Variants in PATJ observed in about 807,000 individuals in gnomAD.
PATJ encodes the protein inaD-like protein.
Under a neutral mutation model 224.9 loss-of-function variants are expected in PATJ, and 190 were observed. The ratio of observed to expected loss-of-function variants is 0.84; its 90% confidence interval spans 0.75 to 0.95. The LOEUF is 0.95. Among genes scored for constraint, PATJ ranks in the 40% least tolerant of loss-of-function variants. The pLI, the probability that PATJ is intolerant of heterozygous loss-of-function variation, is 0.00. For missense variants in PATJ, 2,121 were observed against 2,270.3 expected (o/e 0.93, Z 1.34); for synonymous variants, 769 against 820.3 (o/e 0.94, Z 1.07).
intron 28 of PATJ, among the ~76,000 whole-genome samples, chr1:62,012,820 G>A (rs1393015746): frequency 6.6e-6 from 1 of 151,936 alleles, no homozygotes; most frequent in Non-Finnish European, 1.5e-5. Context: ...CCCTAAATGT[G>A]TTATTTTTAA....
chr1:62,022,707 A>G (rs1427679956), intron 29 of PATJ, among the ~76,000 whole-genome samples: 1 of 152,190 alleles, frequency 6.6e-6, no homozygotes, highest in African/African-American at 2.4e-5. Context: ...CATGTGGAAA[A>G]TGTGTACTGT....
At chr1:61,883,817 T>A (rs1326035102) in intron 21 of PATJ, among the ~76,000 whole-genome samples, 1 of 148,400 alleles carries the variant, frequency 6.7e-6, no homozygotes, top group Non-Finnish European at 1.5e-5. Context: ...AAAACCCTTT[T>A]AAAAATAGAA....
chr1:62,115,631 AT>A, intron 35 of PATJ, among the ~76,000 whole-genome samples: 1 of 147,506 alleles, frequency 6.8e-6, no homozygotes, highest in African/African-American at 2.5e-5. Context: ...TCTAGTATGT[AT>A]TTATCCCAAC....
At chr1:62,053,318 C>T (rs539089590) in intron 31 of PATJ, among the ~76,000 whole-genome samples, 7 of 152,362 alleles carry the variant, frequency 4.6e-5, no homozygotes, top group African/African-American at 1.7e-4. Context: ...GTTTCTTAAT[C>T]ACTGTTTGCA....
At chr1:61,958,949 A>T (rs559840141) in intron 27 of PATJ, among the ~76,000 whole-genome samples, 77 of 152,174 alleles carry the variant, frequency 5.1e-4, no homozygotes, top group Non-Finnish European at 9.7e-4. Context: ...GTAAATACGA[A>T]GAGCCTAAAT....
At chr1:61,927,480 G>A (rs1451290763) in intron 26 of PATJ, among the ~76,000 whole-genome samples, 1 of 152,172 alleles carries the variant, frequency 6.6e-6, no homozygotes, top group Non-Finnish European at 1.5e-5. Context: ...CTTTAGGTAG[G>A]TCAGCAGTCT....
At chr1:62,066,280 G>C (rs1656399749) in intron 31 of PATJ, among the ~76,000 whole-genome samples, 1 of 152,100 alleles carries the variant, frequency 6.6e-6, no homozygotes, top group Non-Finnish European at 1.5e-5. Flanking sequence ...AGGAAACTGA[G>C]ACACTCAACT....
intron 33 of PATJ, among the ~76,000 whole-genome samples, chr1:62,104,477 C>G (rs1360411538): frequency 1.3e-5 from 2 of 152,032 alleles, no homozygotes; most frequent in Non-Finnish European, 1.5e-5. Context: ...CTCTCACCCC[C>G]AATTAATGTA....
At chr1:62,096,778 G>A (rs1661446116) in intron 33 of PATJ, among the ~76,000 whole-genome samples, 1 of 152,068 alleles carries the variant, frequency 6.6e-6, no homozygotes, top group Admixed American at 6.6e-5. Flanking sequence ...ACCACACCCA[G>A]CTAACTTTTT....
At chr1:62,000,042 C>T (rs960681093) in intron 28 of PATJ, among the ~76,000 whole-genome samples, 1 of 151,928 alleles carries the variant, frequency 6.6e-6, no homozygotes, top group Non-Finnish European at 1.5e-5. Flanking sequence ...GCGCCTGCCA[C>T]CATGCCCGGC....
chr1:62,152,611 A>G (rs1668738806), intron 42 of PATJ, among the ~76,000 whole-genome samples: 1 of 151,942 alleles, frequency 6.6e-6, no homozygotes, highest in Admixed American at 6.6e-5. Flanking sequence ...AGATTGTGCC[A>G]CTGCACTCCA....
intron 43 of PATJ, among the ~76,000 whole-genome samples, chr1:62,158,653 A>G (rs796981708): frequency 1.5e-5 from 2 of 132,798 alleles, no homozygotes; most frequent in African/African-American, 5.1e-5. Flanking sequence ...CCGGCGAGGC[A>G]GAGCTTGCAG....
At chr1:62,095,053 A>C (rs532844013) in intron 33 of PATJ, among the ~76,000 whole-genome samples, 44 of 152,300 alleles carry the variant, frequency 2.9e-4, no homozygotes, top group African/African-American at 1.0e-3. Context: ...TTCTGAACAG[A>C]AACAATTATC....
chr1:61,788,108 T>G (rs1260917242), intron 8 of PATJ, 136 bp downstream of exon 8: 2 of 570,844 alleles, frequency 3.5e-6, no homozygotes, highest in Non-Finnish European at 6.1e-6. Flanking sequence ...AAAAAAAAAC[T>G]TATTGGGAGA....
At chr1:61,768,283 C>G (rs937374735) in intron 4 of PATJ, among the ~76,000 whole-genome samples, 3 of 151,754 alleles carry the variant, frequency 2.0e-5, no homozygotes, top group African/African-American at 4.8e-5. Flanking sequence ...TCCTGGCTAA[C>G]ACGGTGAAAC....
chr1:61,933,892 A>G (rs1676412412), intron 27 of PATJ, among the ~76,000 whole-genome samples: 2 of 152,002 alleles, frequency 1.3e-5, no homozygotes, highest in South Asian at 4.1e-4. Context: ...ACAAACATAC[A>G]TGAATCTTTA....
At chr1:62,036,871 C>CAAAAAAAAA (rs55761910) in intron 29 of PATJ, among the ~76,000 whole-genome samples, 9,328 of 67,210 alleles carry the variant, frequency 0.14, 1,171 homozygotes, top group South Asian at 0.2. Context: ...GACTCCATCT[C>CAAAAAAAAA]AAAAAAAAAA....
chr1:61,960,211 T>C (rs144235301), intron 27 of PATJ, among the ~76,000 whole-genome samples: 14 of 152,296 alleles, frequency 9.2e-5, no homozygotes, highest in African/African-American at 3.4e-4. Flanking sequence ...TTCTGAAACA[T>C]ATTCCTTAAC....
chr1:62,129,782 A>G (rs1666081336), intron 41 of PATJ, among the ~76,000 whole-genome samples: 1 of 152,110 alleles, frequency 6.6e-6, no homozygotes, highest in Non-Finnish European at 1.5e-5. Context: ...CTCTGCTAAA[A>G]GTACAAAAAT....
Sources: gnomAD v4.1 joint callset for allele counts (sites outside exome capture counted in the v4.1 genomes callset) on GRCh38, gnomAD v4.1.1 for gene constraint, MANE v1.5 for transcripts, NCBI Gene and HGNC (gene_info 2026-07-23, HGNC 2026-07-21) for gene names.